The following NEDD4 variants were observed in gnomAD, a reference collection of about 807,000 sequenced individuals.
NEDD4 encodes NEDD4 E3 ubiquitin protein ligase, also known as E3 ubiquitin-protein ligase NEDD4.
In NEDD4, 99 loss-of-function variants were observed where a neutral mutation model predicts 144.9. That is an observed-to-expected ratio of 0.68 (90% CI 0.58 to 0.81). The LOEUF (loss-of-function observed/expected upper bound fraction) is 0.81, where lower values mean the gene tolerates loss of function less well. Ranked by LOEUF, NEDD4 falls within the 30% of genes least tolerant of loss-of-function variation. The probability of loss-of-function intolerance (pLI) is 0.00; values close to 1 mark genes in which losing one functional copy is unlikely to be tolerated. For missense variants in NEDD4, 985 were observed against 1,065.9 expected (o/e 0.92, Z 1.06); for synonymous variants, 318 against 350.6 (o/e 0.91, Z 1.04).
At chr15:55,908,763 CG>C (rs1467241341) in intron 5 of NEDD4, among the ~76,000 whole-genome samples, 2 of 152,088 alleles carry the variant, frequency 1.3e-5, no homozygotes, top group African/African-American at 2.4e-5. Context: ...GCCTGTGAGT[CG>C]GACACAGCAG....
At chr15:55,847,575 T>C (rs1411085029) in intron 17 of NEDD4, among the ~76,000 whole-genome samples, 1 of 152,098 alleles carries the variant, frequency 6.6e-6, no homozygotes, top group East Asian at 1.9e-4. Flanking sequence ...CCTATCAATC[T>C]GACTCAAGAG....
intron 5 of NEDD4, chr15:55,905,106 A>G: frequency 3.2e-6 from 1 of 307,860 alleles, no homozygotes; most frequent in Admixed American, 4.7e-5. Context: ...AAAAAAAAAA[A>G]GAAAAGAAAA....
rs746091972 is a variant in NEDD4, at chr15:55,916,048, G to A, written c.291+8598C>T. The A allele has an allele frequency of 6.2e-6, 10 of 1,613,738 alleles. No homozygotes were observed. The highest frequency in any genetic ancestry group is 4.0e-5 in the African/African-American group (3 of 74,898). On this transcript the variant is annotated intron_variant, in intron 5 of 28. Coordinates refer to ENST00000435532, the MANE Select transcript of NEDD4 (RefSeq NM_006154.4). ...GGAAAAATGACTAAGGAGGAGTAACGTTTTAGTGGAATTTTTGTGTTCCTG... is the reference window on the plus strand; with the variant it reads ...GGAAAAATGACTAAGGAGGAGTAACATTTTAGTGGAATTTTTGTGTTCCTG...
intron 5 of NEDD4, among the ~76,000 whole-genome samples, chr15:55,901,168 C>T (rs1237626096): frequency 1.3e-5 from 2 of 151,998 alleles, no homozygotes; most frequent in Non-Finnish European, 2.9e-5. Context: ...TGATGGAGTA[C>T]CTATCCCCTC....
chr15:55,913,743 C>G (rs981256894), intron 5 of NEDD4, among the ~76,000 whole-genome samples: 1 of 151,966 alleles, frequency 6.6e-6, no homozygotes, highest in African/African-American at 2.4e-5. Flanking sequence ...CATTAAAAAA[C>G]ACATTTAAAA....
At chr15:55,982,613 G>A (rs1346572064) in intron 1 of NEDD4, among the ~76,000 whole-genome samples, 7 of 152,112 alleles carry the variant, frequency 4.6e-5, no homozygotes, top group Non-Finnish European at 1.0e-4. Flanking sequence ...AGGGCCCAAG[G>A]GAGCATTCTG....
chr15:55,830,395 C>T, intron 28 of NEDD4, 119 bp downstream of exon 28: 5 of 904,546 alleles, frequency 5.5e-6, no homozygotes, highest in East Asian at 2.4e-5. Context: ...TCCTTCTTAC[C>T]CATAATCCAT....
chr15:55,879,187 A>G (rs1327404863), intron 5 of NEDD4, among the ~76,000 whole-genome samples: 38 of 152,208 alleles, frequency 2.5e-4, no homozygotes, highest in Admixed American at 2.5e-3. Flanking sequence ...AATTTACATG[A>G]ACAGTAAAAG....
At chr15:55,852,165 G>A (rs1157141608) in intron 13 of NEDD4, among the ~76,000 whole-genome samples, 2 of 151,900 alleles carry the variant, frequency 1.3e-5, no homozygotes, top group South Asian at 2.1e-4. Flanking sequence ...GTGTGGTGGC[G>A]GGCACCTGTA....
At chr15:55,915,898 C>T in intron 5 of NEDD4, 1 of 1,613,960 alleles carries the variant, frequency 6.2e-7, no homozygotes, top group Non-Finnish European at 8.5e-7. Context: ...GCACTAGTGC[C>T]ATCCTCATTA....
chr15:55,966,350 T>A (rs1265288303), intron 2 of NEDD4, 123 bp downstream of exon 2: 1 of 595,184 alleles, frequency 1.7e-6, no homozygotes, highest in Non-Finnish European at 2.9e-6. Context: ...ACTGGTAATA[T>A]TATTATTATA....
chr15:55,967,904 T>C (rs1015000434), intron 1 of NEDD4, among the ~76,000 whole-genome samples: 1 of 151,914 alleles, frequency 6.6e-6, no homozygotes, highest in Non-Finnish European at 1.5e-5. Flanking sequence ...TCCCAGCTAC[T>C]AGAGAGGGTG....
intron 4 of NEDD4, among the ~76,000 whole-genome samples, chr15:55,943,061 T>C (rs542395493): frequency 1.3e-5 from 2 of 152,296 alleles, no homozygotes; most frequent in Non-Finnish European, 2.9e-5. Flanking sequence ...AAAGAGATGA[T>C]TTACGGTATC....
At chr15:55,881,599 T>C (rs1209041152) in intron 5 of NEDD4, among the ~76,000 whole-genome samples, 2 of 152,218 alleles carry the variant, frequency 1.3e-5, no homozygotes, top group African/African-American at 4.8e-5. Context: ...AACTGAATTA[T>C]CTAGTTAACT....
chr15:55,913,475 T>A (rs2036338928), intron 5 of NEDD4, among the ~76,000 whole-genome samples: 1 of 152,068 alleles, frequency 6.6e-6, no homozygotes, highest in Admixed American at 6.5e-5. Flanking sequence ...TAAATTAAAT[T>A]TAACTGTCAC....
At chr15:55,833,131 G>A in intron 26 of NEDD4, 27 bp from the exon 27 acceptor site, 2 of 1,438,334 alleles carry the variant, frequency 1.4e-6, no homozygotes, top group Non-Finnish European at 9.7e-7. Flanking sequence ...CATCATTTAG[G>A]GAACAGCACT....
intron 2 of NEDD4, among the ~76,000 whole-genome samples, chr15:55,958,000 A>G (rs1427872528): frequency 6.6e-6 from 1 of 152,214 alleles, no homozygotes; most frequent in Non-Finnish European, 1.5e-5. Context: ...GGATAGCATT[A>G]GGAGATATAC....
intron 1 of NEDD4, among the ~76,000 whole-genome samples, chr15:55,975,739 T>C (rs2037688322): frequency 6.6e-6 from 1 of 152,000 alleles, no homozygotes. Flanking sequence ...GCAACTCCTA[T>C]CACAATACCA....
intron 5 of NEDD4, among the ~76,000 whole-genome samples, chr15:55,898,783 G>A (rs1313396198): frequency 1.3e-5 from 2 of 151,632 alleles, no homozygotes; most frequent in African/African-American, 2.4e-5. Flanking sequence ...ATAGGCAAGC[G>A]CCACCACACC....
Sources: gnomAD v4.1 joint callset for allele counts (sites outside exome capture counted in the v4.1 genomes callset) on GRCh38, gnomAD v4.1.1 for gene constraint, MANE v1.5 for transcripts, NCBI Gene and HGNC (gene_info 2026-07-23, HGNC 2026-07-21) for gene names.